Variants in SP3 observed in about 807,000 individuals in gnomAD.
SP3 encodes transcription factor Sp3.
SP3 carries 10 observed loss-of-function variants against 70.3 expected under a neutral mutation model. The observed-to-expected ratio is 0.14, with a 90% confidence interval of 0.09 to 0.24. The LOEUF is 0.24. SP3 is among the 10% of genes least tolerant of loss of function. The pLI, the probability that SP3 is intolerant of heterozygous loss-of-function variation, is 1.00. For synonymous variants in SP3, 402 were observed against 333.5 expected (o/e 1.21, Z -2.24); for missense variants, 825 against 914.6 (o/e 0.90, Z 1.26).
At chr2:173,926,924 T>A (rs1689929662) in intron 4 of SP3, among the ~76,000 whole-genome samples, 2 of 152,178 alleles carry the variant, frequency 1.3e-5, no homozygotes, top group Non-Finnish European at 1.5e-5. Flanking sequence ...TTTATTTTTT[T>A]AAAAGGTTTA....
At chr2:173,963,995 G>A (rs1691180034) in intron 2 of SP3, 112 bp from the exon 3 acceptor site, 11 of 614,586 alleles carry the variant, frequency 1.8e-5, no homozygotes, top group Non-Finnish European at 2.8e-5. Flanking sequence ...CTGCGCCCGG[G>A]CAAGCGCCAG....
In SP3 at chr2:173,910,091, T is replaced by G. The variant is rs1157993621; in HGVS notation, c.2196A>C (p.Gly732=). The G allele has an allele frequency of 2.5e-6, 4 of 1,612,870 alleles. No individual in the cohort carries two copies. Among genetic ancestry groups the G allele is most frequent in the Non-Finnish European group, 3.4e-6 (4 of 1,179,146 alleles). The change falls in exon 7 of 7, where the codon GGA becomes GGC. Residue 732 remains glycine, a synonymous_variant. Coordinates refer to ENST00000310015, the MANE Select transcript of SP3 (RefSeq NM_003111.5). ...ARDDTLITAG[G]TTLILANIQQ... ...GAATATTTGCAAGGATAAGCGTTGTTCCTCCTGCAGTAATCAAAGTATCAT... is the reference window on the plus strand; with the variant it reads ...GAATATTTGCAAGGATAAGCGTTGTGCCTCCTGCAGTAATCAAAGTATCAT...
intron 4 of SP3, among the ~76,000 whole-genome samples, chr2:173,949,732 C>T (rs775355099): frequency 6.6e-5 from 10 of 152,204 alleles, no homozygotes; most frequent in Non-Finnish European, 1.2e-4. Flanking sequence ...AGTTAACCTG[C>T]AACTATCCAG....
rs1691166179 is a variant in SP3 at position 173,963,785 on chromosome 2, G to A, written c.255C>T (p.Ala85=). The change falls in exon 3 of 7, where the codon GCC becomes GCT. Residue 85 remains alanine (A), a synonymous_variant. Transcript: ENST00000310015. ...CCGCTCCGGCGGCGGCGGGGGCCCC[G>A]GCTGCGGCGGCCGCCTCCTCCTCGT... ...GDDEEEAAAA[A]GAPAAAGATG... is the part of the protein sequence containing the mutation. 3.6e-6 allele frequency: 5 copies of A among 1,380,136 alleles called. No homozygotes were observed. Among genetic ancestry groups the A allele is most frequent in the East Asian group, 3.4e-5 (1 of 29,602 alleles). The allele number at this position is 1,380,136 out of a possible 1,614,324, so 85.5% of individuals were successfully genotyped here.
chr2:173,946,761 C>T (rs1286484109), intron 4 of SP3, among the ~76,000 whole-genome samples: 2 of 145,838 alleles, frequency 1.4e-5, no homozygotes, highest in Non-Finnish European at 3.0e-5. Context: ...CTCGGTCTGT[C>T]ACCAGTGTGG....
chr2:173,936,605 T>C (rs753557401), intron 4 of SP3, among the ~76,000 whole-genome samples: 1 of 152,136 alleles, frequency 6.6e-6, no homozygotes, highest in Non-Finnish European at 1.5e-5. Flanking sequence ...AGTAACCCAA[T>C]GAAATACTAA....
intron 6 of SP3, 113 bp downstream of exon 6, chr2:173,912,957 T>C: frequency 1.5e-6 from 1 of 677,282 alleles, no homozygotes; most frequent in Non-Finnish European, 2.1e-6. Context: ...TGGATGTAAT[T>C]CATTGTATTT....
At chr2:173,960,778 G>T (rs568353286) in intron 3 of SP3, among the ~76,000 whole-genome samples, 3 of 152,036 alleles carry the variant, frequency 2.0e-5, no homozygotes, top group Admixed American at 6.5e-5. Flanking sequence ...AGACCATCCT[G>T]GCTAACACGG....
intron 4 of SP3, among the ~76,000 whole-genome samples, chr2:173,922,028 C>G (rs772911273): frequency 6.6e-6 from 1 of 152,060 alleles, no homozygotes; most frequent in Non-Finnish European, 1.5e-5. Flanking sequence ...ACTATGCTTC[C>G]GGTACAGCCT....
Position 173,955,649 on chromosome 2 carries a change from G to A in SP3, c.863C>T (p.Ala288Val). ...GLSGSSQTMT[A>V]GINADGHLIN... ...CAAATGTCCGTCGGCATTAATGCCT[G>A]CAGTCATTGTCTGAGAACTGCCCGA... Residue 288 changes from alanine to valine, a missense_variant, in exon 4 of 7, where the codon GCA (alanine) becomes GTA (valine). Physicochemically the swap from Ala to Val is moderately conservative, Grantham distance 64 (BLOSUM62 0). Around this residue, in one of 4 missense-constraint regions of SP3, gnomAD observed 678 missense variants for 651.6 expected, o/e 1.04. Coordinates refer to ENST00000310015, the MANE Select transcript of SP3 (RefSeq NM_003111.5). The A allele has an allele frequency of 6.2e-7, 1 of 1,614,176 alleles. No homozygotes were observed.
At chr2:173,915,801 C>G (rs1240847399) in intron 5 of SP3, 1 of 152,030 alleles carries the variant, frequency 6.6e-6, no homozygotes, top group Non-Finnish European at 1.5e-5. Context: ...TTTAAACAGT[C>G]TCTGAAAGCT....
rs1219384883 is a variant in SP3, at chr2:173,964,386, G to A, written c.156+19C>T. The A allele has an allele frequency of 3.9e-5, 27 of 698,890 alleles. No individual in the cohort carries two copies. The Admixed American group carries it at 5.3e-4, about 14-fold the overall frequency. 43.3% of individuals were successfully genotyped at this position (698,890 alleles called of 1,614,324 possible). A position where few individuals can be genotyped will look rare whatever the true frequency, so the allele number is the denominator to read the frequency against. On this transcript the variant is annotated intron_variant, in intron 2 of 6. Coordinates refer to ENST00000310015, the MANE Select transcript of SP3 (RefSeq NM_003111.5). Reference sequence around the variant, plus strand: ...GCGGCGCGAGGGGGGAGCCGGGCCGGGGTTCAGCCGCTCCTCACCTGGGCC... The same window carrying A: ...GCGGCGCGAGGGGGGAGCCGGGCCGAGGTTCAGCCGCTCCTCACCTGGGCC...
chr2:173,950,024 G>T (rs1403109485), intron 4 of SP3, among the ~76,000 whole-genome samples: 2 of 152,016 alleles, frequency 1.3e-5, no homozygotes, highest in Non-Finnish European at 2.9e-5. Flanking sequence ...ATACAGCAAC[G>T]ATAAAGTAAA....
intron 4 of SP3, among the ~76,000 whole-genome samples, chr2:173,941,198 T>C (rs183826438): frequency 1.3e-5 from 2 of 151,504 alleles, no homozygotes; most frequent in East Asian, 3.9e-4. Context: ...ATCATTCTAC[T>C]CATGCTTTCC....
rs549661144 is a variant in SP3 at position 173,918,374 on chromosome 2, T to A, written c.1832+219A>T. 5.3e-5 allele frequency among the ~76,000 whole-genome samples: 8 copies of A among 152,260 alleles called. No homozygotes were observed. In the East Asian group the frequency reaches 1.5e-3, roughly 29 times the overall value. On this transcript the variant is annotated intron_variant, in intron 5 of 6. Coordinates refer to ENST00000310015, the MANE Select transcript of SP3 (RefSeq NM_003111.5). Reference sequence around the variant, plus strand: ...GTTAAATGGCATCTGCTGTACTATTTTTGAAACAGCAAACTAATAATTTTA... The same window carrying A: ...GTTAAATGGCATCTGCTGTACTATTATTGAAACAGCAAACTAATAATTTTA...
At chr2:173,927,977 C>T (rs1437386063) in intron 4 of SP3, among the ~76,000 whole-genome samples, 2 of 152,212 alleles carry the variant, frequency 1.3e-5, no homozygotes, top group South Asian at 2.1e-4. Context: ...GAACTAAAAA[C>T]ATTCATAATT....
rs768738741 is a variant in SP3, at chr2:173,954,969, T to C, written c.1543A>G (p.Thr515Ala). The change falls in exon 4 of 7, where the codon ACT becomes GCT. Residue 515 changes from threonine (T) to alanine (A), a missense_variant. Physicochemically the swap from Thr to Ala is moderately conservative, Grantham distance 58. Coordinates refer to ENST00000310015, the MANE Select transcript of SP3 (RefSeq NM_003111.5). Reference sequence around the variant, plus strand: ...GTTTGTAGATTTGGCAACTGACCAGTGCTTAGACTAACTGGAGTTGAAGTG... The same window carrying C: ...GTTTGTAGATTTGGCAACTGACCAGCGCTTAGACTAACTGGAGTTGAAGTG... ...AFTSTPVSLSTGQLPNLQTVT... is the reference protein window; with the variant it reads ...AFTSTPVSLSAGQLPNLQTVT... The C allele has an allele frequency of 3.7e-6, 6 of 1,614,062 alleles. No homozygotes were observed. Among genetic ancestry groups the C allele is most frequent in the Non-Finnish European group, 5.1e-6 (6 of 1,180,024 alleles).
chr2:173,910,781 C>G (rs1689456930), intron 6 of SP3, among the ~76,000 whole-genome samples: 1 of 152,198 alleles, frequency 6.6e-6, no homozygotes, highest in Non-Finnish European at 1.5e-5. Context: ...AAAAATGAAT[C>G]TGGCTAGCTG....
Position 173,927,966 on chromosome 2 carries a change from T to G in SP3, c.1640-9181A>C, listed in dbSNP as rs142161239. Reference sequence around the variant, plus strand: ...TGGTATCAAATAGGCCCTAGAACACTGAACTAAAAACATTCATAATTATAG... The same window carrying G: ...TGGTATCAAATAGGCCCTAGAACACGGAACTAAAAACATTCATAATTATAG... On this transcript the variant is annotated intron_variant, in intron 4 of 6. Coordinates refer to ENST00000310015, the MANE Select transcript of SP3 (RefSeq NM_003111.5). Among the ~76,000 whole-genome samples, 833 of 152,312 alleles carry G rather than the reference T, an allele frequency of 5.5e-3. 25 individuals are homozygous for G. Among genetic ancestry groups the G allele is most frequent in the Admixed American group, 0.041 (628 of 15,292 alleles).
Sources: allele counts gnomAD v4.1 joint callset (sites outside exome capture counted in the v4.1 genomes callset), GRCh38; gene constraint gnomAD v4.1.1; regional missense constraint gnomAD v4.1.1; transcripts MANE v1.5; gene names NCBI Gene and HGNC (gene_info 2026-07-23, HGNC 2026-07-21).